The following RTL4 variants were observed in gnomAD, a reference collection of about 807,000 sequenced individuals.
The protein encoded by RTL4 is retrotransposon Gag-like protein 4.
A neutral mutation model predicts 5.3 loss-of-function variants in RTL4; 4 were observed. The observed-to-expected ratio is 0.75, with a 90% confidence interval of 0.37 to 1.72. RTL4 has a LOEUF of 1.72. RTL4 is among the 40% of genes most tolerant of loss of function. The pLI is 0.04. For synonymous variants in RTL4, 98 were observed against 87.3 expected, an observed-to-expected ratio of 1.12 and a Z score of -0.68; for missense variants, 260 against 227.1, an observed-to-expected ratio of 1.14 and a Z score of -0.93.
the RTL4 span, among the ~76,000 whole-genome samples, chrX:112,344,994 A>C: frequency 9.0e-6 from 1 of 111,553 alleles, no homozygotes; most frequent in Non-Finnish European, 1.9e-5. Context: ...CTACTGCAAG[A>C]ATAGTATGGG....
the RTL4 span, among the ~76,000 whole-genome samples, chrX:112,397,027 T>G: frequency 1.8e-5 from 2 of 112,032 alleles, no homozygotes; most frequent in African/African-American, 3.2e-5. Flanking sequence ...AACAGATTTC[T>G]CCATGTGAAG....
chrX:112,142,584 G>T, the RTL4 span, among the ~76,000 whole-genome samples: 3 of 111,797 alleles, frequency 2.7e-5, no homozygotes, highest in African/African-American at 9.8e-5. Flanking sequence ...CCAAAGCAGG[G>T]TTCTGAGGAC....
chrX:112,359,807 G>C, the RTL4 span, among the ~76,000 whole-genome samples: 1 of 111,077 alleles, frequency 9.0e-6, no homozygotes, highest in East Asian at 2.9e-4. Context: ...CACTTTCCCA[G>C]GTGCCACACA....
chrX:112,185,546 C>A, the RTL4 span, among the ~76,000 whole-genome samples: 1 of 108,009 alleles, frequency 9.3e-6, no homozygotes, highest in African/African-American at 3.4e-5. Flanking sequence ...TTATCTACTT[C>A]TGCATAATTA....
the RTL4 span, among the ~76,000 whole-genome samples, chrX:112,291,575 C>T: frequency 4.5e-5 from 5 of 110,204 alleles, no homozygotes; most frequent in African/African-American, 1.3e-4. Context: ...TCTACCCCTA[C>T]GTACTTGACC....
chrX:112,293,094 T>C, the RTL4 span, among the ~76,000 whole-genome samples: 1 of 112,292 alleles, frequency 8.9e-6, no homozygotes, highest in Non-Finnish European at 1.9e-5. Flanking sequence ...TTTGATCTTC[T>C]TCTTATGATT....
chrX:112,402,400 T>TTGTGTGTGTGTG, the RTL4 span, among the ~76,000 whole-genome samples: 13 of 87,418 alleles, frequency 1.5e-4, no homozygotes, highest in South Asian at 6.8e-4. Context: ...GGAATTATTA[T>TTGTGTGTGTGTG]TGTGTGTGTG....
At chrX:112,329,889 A>T in the RTL4 span, among the ~76,000 whole-genome samples, 1 of 110,912 alleles carries the variant, frequency 9.0e-6, no homozygotes, top group Non-Finnish European at 1.9e-5. Flanking sequence ...CAGCATATAA[A>T]CAGAACCAAA....
At chrX:112,364,156 G>A in the RTL4 span, among the ~76,000 whole-genome samples, 220 of 111,727 alleles carry the variant, frequency 2.0e-3, 1 homozygote, top group African/African-American at 6.8e-3. Flanking sequence ...AATTTTAGCA[G>A]ATGTTCTGAA....
the RTL4 span, among the ~76,000 whole-genome samples, chrX:112,345,143 AC>A: frequency 4.5e-5 from 5 of 110,587 alleles, no homozygotes; most frequent in Non-Finnish European, 9.5e-5. Flanking sequence ...CCTGTAGGTC[AC>A]CCCCAGCCTA....
chrX:112,419,967 C>A, the RTL4 span, among the ~76,000 whole-genome samples: 3 of 110,626 alleles, frequency 2.7e-5, no homozygotes, highest in Non-Finnish European at 3.8e-5. Flanking sequence ...TACATTCACA[C>A]CAGAAATGGG....
the RTL4 span, among the ~76,000 whole-genome samples, chrX:112,279,091 G>T: frequency 1.9e-3 from 212 of 110,438 alleles, 1 homozygote; most frequent in Non-Finnish European, 3.5e-3. Context: ...GACTAATTAA[G>T]TAGGCCCACA....
At chrX:112,090,400 C>A in the RTL4 span, among the ~76,000 whole-genome samples, 1 of 110,972 alleles carries the variant, frequency 9.0e-6, no homozygotes, top group African/African-American at 3.3e-5. Context: ...CATCCTTTAT[C>A]AGGTTGAAGG....
chrX:112,278,625 G>A, the RTL4 span, among the ~76,000 whole-genome samples: 1 of 111,527 alleles, frequency 9.0e-6, no homozygotes, highest in Non-Finnish European at 1.9e-5. Flanking sequence ...ACTACCTATA[G>A]TGAAATTCTC....
chrX:112,190,771 G>C, the RTL4 span, among the ~76,000 whole-genome samples: 7 of 112,157 alleles, frequency 6.2e-5, no homozygotes, highest in African/African-American at 2.3e-4. Context: ...CACTGCCAGA[G>C]GCATTGTAAA....
the RTL4 span, among the ~76,000 whole-genome samples, chrX:112,279,870 C>T: frequency 9.0e-6 from 1 of 111,285 alleles, no homozygotes; most frequent in East Asian, 2.8e-4. Flanking sequence ...TAAGTATGTA[C>T]TACATTAAGC....
chrX:112,259,727 T>G, the RTL4 span, among the ~76,000 whole-genome samples: 8 of 111,481 alleles, frequency 7.2e-5, no homozygotes, highest in Non-Finnish European at 1.9e-5. Flanking sequence ...TGGCTAGTGA[T>G]GTAAATGACT....
the RTL4 span, among the ~76,000 whole-genome samples, chrX:112,308,213 T>C: frequency 9.0e-6 from 1 of 111,150 alleles, no homozygotes; most frequent in South Asian, 3.8e-4. Flanking sequence ...ATCTACTACC[T>C]AGCTGGAGGA....
At chrX:112,430,753 G>C in the RTL4 span, among the ~76,000 whole-genome samples, 1 of 111,184 alleles carries the variant, frequency 9.0e-6, no homozygotes, top group Admixed American at 9.6e-5. Context: ...ATCATGCCCT[G>C]CTCATTTTTT....
Sources: gnomAD v4.1 joint callset for allele counts (sites outside exome capture counted in the v4.1 genomes callset) on GRCh38, gnomAD v4.1.1 for gene constraint, MANE v1.5 for transcripts, NCBI Gene and HGNC (gene_info 2026-07-23, HGNC 2026-07-21) for gene names.